The following MGAM2 variants were observed in gnomAD, a reference collection of about 807,000 sequenced individuals.
The protein encoded by MGAM2 is probable maltase-glucoamylase 2.
Under a neutral mutation model 96.1 loss-of-function variants are expected in MGAM2, and 98 were observed. The observed-to-expected ratio is 1.02, with a 90% CI of 0.87 to 1.21. MGAM2 has a LOEUF of 1.21. Among genes scored for constraint, MGAM2 ranks in the 50% most tolerant of loss-of-function variants. The pLI, the probability that MGAM2 is intolerant of heterozygous loss-of-function variation, is 0.00. For synonymous variants in MGAM2, 749 were observed against 414.8 expected, an observed-to-expected ratio of 1.81 and a Z score of -9.79; for missense variants, 2,055 against 1,182.4, an observed-to-expected ratio of 1.74 and a Z score of -10.82.
Position 142,165,024 on chromosome 7 carries a change from G to A in MGAM2, c.2652+1G>A, listed in dbSNP as rs1344856756. 4.3e-6 allele frequency: 3 copies of A among 696,944 alleles called. No homozygotes were observed. Among genetic ancestry groups the A allele is most frequent in the Non-Finnish European group, 7.8e-6 (3 of 382,610 alleles). The allele number at this position is 696,944 out of a possible 1,614,324, so 43.2% of individuals were successfully genotyped here. ...CGTTGTCTACAATGCTTCCACAAAG[G>A]TAAGAGATCCTTCCATTCTGCAGGG... is the stretch of plus-strand genomic sequence containing the variant. On this transcript the variant is annotated splice_donor_variant, in intron 24 of 47. Coordinates refer to ENST00000477922, the MANE Select transcript of MGAM2 (RefSeq NM_001293626.2). LOFTEE classifies it high-confidence loss of function.
intron 33 of MGAM2, 148 bp from the exon 34 acceptor site, chr7:142,184,929 T>C (rs901930909): frequency 1.1e-5 from 5 of 455,246 alleles, no homozygotes; most frequent in African/African-American, 4.0e-5. Flanking sequence ...AATGTAATTT[T>C]GTAGATTCAG....
At chr7:142,111,959 A>G (rs995012473) in intron 1 of MGAM2, among the ~76,000 whole-genome samples, 152 bp downstream of exon 1, 1 of 151,114 alleles carries the variant, frequency 6.6e-6, no homozygotes, top group Non-Finnish European at 1.5e-5. Flanking sequence ...TCCATAAAAT[A>G]TGAGGAGTGA....
At chr7:142,172,523 A>G in intron 29 of MGAM2, 129 bp from the exon 30 acceptor site, 1 of 579,930 alleles carries the variant, frequency 1.7e-6, no homozygotes, top group Non-Finnish European at 3.1e-6. Flanking sequence ...CTAATGGATG[A>G]GAGAAGACTT....
chr7:142,139,458 G>A (rs369919293), intron 10 of MGAM2, among the ~76,000 whole-genome samples: 5 of 151,588 alleles, frequency 3.3e-5, no homozygotes, highest in South Asian at 2.1e-4. Flanking sequence ...TCAGGAGTTC[G>A]GACTAGCCTG....
Position 142,167,213 on chromosome 7 carries a change from T to A in MGAM2, c.2809-55T>A, listed in dbSNP as rs1796054107. On this transcript the variant is annotated intron_variant, in intron 25 of 47. Coordinates refer to ENST00000477922, the MANE Select transcript of MGAM2 (RefSeq NM_001293626.2). ...CTGTGTTAACCAACTTCTTCAGTAA[T>A]GAGAGCCTTAGTGTTGTATCAGAGG... 8.0e-6 allele frequency: 5 copies of A among 627,434 alleles called. No homozygotes were observed. The East Asian group carries it at 1.4e-4, about 17-fold the overall frequency. 38.9% of individuals were successfully genotyped at this position (627,434 alleles called of 1,614,324 possible).
At chr7:142,188,846 C>A (rs1309809953) in intron 36 of MGAM2, among the ~76,000 whole-genome samples, 5 of 152,148 alleles carry the variant, frequency 3.3e-5, no homozygotes, top group African/African-American at 1.2e-4. Flanking sequence ...AGTGTCTGAG[C>A]ACATTTAAGG....
intron 26 of MGAM2, among the ~76,000 whole-genome samples, chr7:142,168,410 C>G (rs1293612214): frequency 6.6e-6 from 1 of 152,126 alleles, no homozygotes; most frequent in Non-Finnish European, 1.5e-5. Context: ...ACTGGGATTA[C>G]AGGCACCCGC....
chr7:142,117,000 T>C (rs1817429041), intron 2 of MGAM2, 21 bp downstream of exon 2: 1 of 702,864 alleles, frequency 1.4e-6, no homozygotes. Context: ...TGCTTGTAGG[T>C]TGGAAGGCTG....
chr7:142,189,109 T>C (rs965369456), intron 36 of MGAM2, among the ~76,000 whole-genome samples: 3 of 152,202 alleles, frequency 2.0e-5, no homozygotes, highest in African/African-American at 7.2e-5. Context: ...AAAAGGGCTA[T>C]GACAACACTC....
chr7:142,198,277 A>C (rs1797112798), intron 43 of MGAM2, 82 bp downstream of exon 43: 1 of 659,896 alleles, frequency 1.5e-6, no homozygotes, highest in African/African-American at 1.8e-5. Flanking sequence ...TTCCAAGCAC[A>C]TATTTCCTAA....
At chr7:142,124,285 T>C (rs1330843711) in intron 3 of MGAM2, among the ~76,000 whole-genome samples, 3 of 152,120 alleles carry the variant, frequency 2.0e-5, no homozygotes, top group Non-Finnish European at 4.4e-5. Flanking sequence ...AAACGTTTTT[T>C]TTCTTGAATT....
At chr7:142,138,018 C>T (rs887668909) in intron 9 of MGAM2, among the ~76,000 whole-genome samples, 3 of 152,146 alleles carry the variant, frequency 2.0e-5, no homozygotes, top group African/African-American at 7.2e-5. Flanking sequence ...AGGTTGAGAC[C>T]AGCCTGGCCA....
intron 32 of MGAM2, among the ~76,000 whole-genome samples, chr7:142,181,851 A>G (rs1796553630): frequency 6.6e-6 from 1 of 152,152 alleles, no homozygotes; most frequent in African/African-American, 2.4e-5. Flanking sequence ...TGCACAGCAA[A>G]TGGCTTTGGG....
At chr7:142,119,486 CT>C (rs924456426) in intron 2 of MGAM2, among the ~76,000 whole-genome samples, 30 of 152,290 alleles carry the variant, frequency 2.0e-4, no homozygotes, top group African/African-American at 6.7e-4. Context: ...CTTTGGAAAA[CT>C]TTGCCAGTTC....
In MGAM2 at chr7:142,148,759, G is replaced by A. The variant is rs1004116353; in HGVS notation, c.1634+1186G>A. ...AGGAAAGAGCATCTTTGTCTTTCTC[G>A]GCTTCTTTCCCCCTGTTTTGGTGTT... On this transcript the variant is annotated intron_variant, in intron 15 of 47. Transcript: ENST00000477922. This position sits in a 1 kb window ranked among gnomAD's most constrained non-coding sequence, Gnocchi z 4.2. Among the ~76,000 whole-genome samples the A allele has an allele frequency of 6.6e-6, 1 of 152,116 alleles. No individual in the cohort carries two copies. The highest frequency in any genetic ancestry group is 1.5e-5 in the Non-Finnish European group (1 of 68,018).
intron 9 of MGAM2, among the ~76,000 whole-genome samples, chr7:142,138,205 CTA>C (rs1338554605): frequency 1.3e-5 from 2 of 152,204 alleles, no homozygotes; most frequent in African/African-American, 4.8e-5. Context: ...AGGGCAGGAG[CTA>C]TGTTTGCTCT....
chr7:142,184,350 C>T (rs909226892), intron 33 of MGAM2, among the ~76,000 whole-genome samples: 7 of 152,146 alleles, frequency 4.6e-5, no homozygotes, highest in Non-Finnish European at 8.8e-5. Context: ...AATCTTACCT[C>T]GTTTGAAGCA....
intron 25 of MGAM2, among the ~76,000 whole-genome samples, chr7:142,167,012 A>G (rs768050767): frequency 6.6e-5 from 10 of 152,310 alleles, no homozygotes; most frequent in Admixed American, 1.3e-4. Context: ...CTTATTAATA[A>G]GGATACCAGT....
chr7:142,220,175 TACTAATGCTAGC>T lies in MGAM2; in HGVS notation c.5675_5686del (p.Ser1892_Ala1895del), dbSNP rs1475464988. On this transcript the variant is annotated inframe_deletion, in exon 48 of 48. Transcript: ENST00000477922. ...CAACTTCTCCTTTCCCTACAAGTAC[TACTAATGCTAGC>T]ACTAATGCTACTGTTCCTATCACAA... 1.4e-6 allele frequency: 1 copy of T among 702,942 alleles called. No individual in the cohort carries two copies. 43.5% of individuals were successfully genotyped at this position (702,942 alleles called of 1,614,324 possible).
Sources: gnomAD v4.1 joint callset for allele counts (sites outside exome capture counted in the v4.1 genomes callset) on GRCh38, gnomAD v4.1.1 for gene constraint, Gnocchi (gnomAD v3.1) non-coding constraint, MANE v1.5 for transcripts, NCBI Gene and HGNC (gene_info 2026-07-23, HGNC 2026-07-21) for gene names.